Variants in RUSC2 observed in about 807,000 individuals in gnomAD.
The protein encoded by RUSC2 is AP-4 complex accessory subunit RUSC2.
In RUSC2, 34 loss-of-function variants were observed where a neutral mutation model predicts 122.2. That is an observed-to-expected ratio of 0.28 (90% CI 0.21 to 0.37). The LOEUF (loss-of-function observed/expected upper bound fraction) is 0.37. Ranked by LOEUF, RUSC2 falls within the 10% of genes least tolerant of loss-of-function variation. The probability of loss-of-function intolerance (pLI) is 1.00; values close to 1 mark genes in which losing one functional copy is unlikely to be tolerated. For missense variants in RUSC2, 1,747 were observed against 1,952.4 expected (o/e 0.89, Z 1.98); for synonymous variants, 784 against 790.0 (o/e 0.99, Z 0.13).
chr9:35,561,009 G>A lies in RUSC2; in HGVS notation c.4261G>A (p.Ala1421Thr), dbSNP rs1231438611. The A allele has an allele frequency of 6.2e-7, 1 of 1,614,106 alleles. No homozygotes were observed. The highest frequency in any genetic ancestry group is 1.3e-5 in the African/African-American group (1 of 74,948). ...SLDKSMFQLVAQTVGSRREPE... is the reference protein window; with the variant it reads ...SLDKSMFQLVTQTVGSRREPE... ...GGACAAGTCCATGTTCCAACTAGTG[G>A]CGCAGACAGTGGGTTCCCGCCGGGA... The change falls in exon 11 of 12, where the codon GCG becomes ACG. Residue 1421 changes from alanine to threonine, a missense_variant. Physicochemically the swap from Ala to Thr is moderately conservative, Grantham distance 58 (BLOSUM62 0). Transcript: ENST00000361226.
At chr9:35,526,746 C>T (rs1821331991) in intron 1 of RUSC2, among the ~76,000 whole-genome samples, 1 of 152,062 alleles carries the variant, frequency 6.6e-6, no homozygotes, top group Non-Finnish European at 1.5e-5. Context: ...GCCACTGCAG[C>T]CTGGGCAAAA....
intron 1 of RUSC2, among the ~76,000 whole-genome samples, chr9:35,524,842 G>A (rs1429126224): frequency 6.6e-6 from 1 of 152,010 alleles, no homozygotes; most frequent in Admixed American, 6.6e-5. Context: ...GTGGTGGCGG[G>A]CACCTGTAGT....
intron 1 of RUSC2, among the ~76,000 whole-genome samples, chr9:35,527,133 T>C (rs1821339319): frequency 9.6e-6 from 1 of 103,722 alleles, no homozygotes; most frequent in Non-Finnish European, 2.1e-5. Context: ...ATTTGTCCTT[T>C]CGTTGTTTTT....
At chr9:35,554,567 G>C (rs1360230612) in intron 2 of RUSC2, among the ~76,000 whole-genome samples, 1 of 152,182 alleles carries the variant, frequency 6.6e-6, no homozygotes. Context: ...TAGAAACAAA[G>C]AAAATGGTTC....
At chr9:35,553,533 T>C (rs185831340) in intron 2 of RUSC2, among the ~76,000 whole-genome samples, 1 of 152,288 alleles carries the variant, frequency 6.6e-6, no homozygotes, top group Non-Finnish European at 1.5e-5. Context: ...AACAGGGTAA[T>C]GGGATAGAGA....
In RUSC2 at chr9:35,547,452, T is replaced by A. The variant is rs1452510367; in HGVS notation, c.931T>A (p.Phe311Ile). ...CCCACAGTCCTGCAGCGACTCTTCC[T>A]TCTGCAGCCACTCAGACCCTGGCGC... ...SAPQSCSDSS[F>I]CSHSDPGAFY... Residue 311 changes from phenylalanine (F) to isoleucine (I), a missense_variant, in exon 2 of 12, where the codon TTC becomes ATC. Transcript: ENST00000361226. This position sits in a 1 kb window ranked among gnomAD's most constrained non-coding sequence, Gnocchi z 4.6. 2 of 1,614,216 alleles carry A rather than the reference T, an allele frequency of 1.2e-6. No homozygotes were observed. The highest frequency in any genetic ancestry group is 1.7e-6 in the Non-Finnish European group (2 of 1,180,040).
In RUSC2 at chr9:35,556,420, C is replaced by T; in HGVS notation, c.2955C>T (p.Ala985=). 6.2e-7 allele frequency: 1 copy of T among 1,614,166 alleles called. No homozygotes were observed. Among genetic ancestry groups the T allele is most frequent in the Non-Finnish European group, 8.5e-7 (1 of 1,180,022 alleles). Residue 985 remains alanine (A), a synonymous_variant, in exon 5 of 12, where the codon GCC becomes GCT. Transcript: ENST00000361226. ...FCLSPDGSSE[A]ISIDLLQKKG... is the part of the protein sequence containing the mutation. Reference sequence around the variant, plus strand: ...TGTCCCCAGATGGCAGCTCAGAGGCCATTTCCATTGACCTGCTTCAGAAAA... The same window carrying T: ...TGTCCCCAGATGGCAGCTCAGAGGCTATTTCCATTGACCTGCTTCAGAAAA...
chr9:35,523,874 T>C (rs953959988), intron 1 of RUSC2, among the ~76,000 whole-genome samples: 1 of 151,836 alleles, frequency 6.6e-6, no homozygotes, highest in Non-Finnish European at 1.5e-5. Flanking sequence ...TGGGGCAGTC[T>C]GAACATCAAA....
At chr9:35,499,044 TG>T (rs759724526) in intron 1 of RUSC2, among the ~76,000 whole-genome samples, 12 of 152,116 alleles carry the variant, frequency 7.9e-5, no homozygotes, top group Non-Finnish European at 1.6e-4. Flanking sequence ...CCCAGCACTT[TG>T]GGAGGCTGAG....
chr9:35,543,143 A>T (rs1821674390), intron 1 of RUSC2, among the ~76,000 whole-genome samples: 1 of 152,204 alleles, frequency 6.6e-6, no homozygotes, highest in South Asian at 2.1e-4. Context: ...AAAATTGTTT[A>T]GGCCCGGCAT....
intron 1 of RUSC2, among the ~76,000 whole-genome samples, chr9:35,506,936 T>G (rs1185586362): frequency 6.6e-6 from 1 of 152,052 alleles, no homozygotes; most frequent in African/African-American, 2.4e-5. Context: ...AGCAACATAG[T>G]GAAACCTCGT....
chr9:35,555,836 T>C lies in RUSC2; in HGVS notation c.2657-116T>C, dbSNP rs1016287398. On this transcript the variant is annotated intron_variant, in intron 3 of 11. Transcript: ENST00000361226. This position sits in a 1 kb window ranked among gnomAD's most constrained non-coding sequence, Gnocchi z 4.6. ...GTCTGCATCCCTCCCTCAGCATCTGTAGATAATATCCACAGATAATCTAGT... is the reference window on the plus strand; with the variant it reads ...GTCTGCATCCCTCCCTCAGCATCTGCAGATAATATCCACAGATAATCTAGT... 9 of 1,466,728 alleles carry C rather than the reference T, an allele frequency of 6.1e-6. No homozygotes were observed. Among genetic ancestry groups the C allele is most frequent in the Admixed American group, 2.1e-5 (1 of 48,564 alleles). The allele number at this position is 1,466,728 out of a possible 1,614,324, so 90.9% of individuals were successfully genotyped here. A position where few individuals can be genotyped will look rare whatever the true frequency, so the allele number is the denominator to read the frequency against.
intron 1 of RUSC2, among the ~76,000 whole-genome samples, chr9:35,490,554 C>G (rs1321441536): frequency 1.3e-5 from 2 of 152,198 alleles, no homozygotes; most frequent in African/African-American, 4.8e-5. Flanking sequence ...TACCCCAAGT[C>G]CCTGTGACGG....
Position 35,560,765 on chromosome 9 carries a change from G to A in RUSC2, c.4125G>A (p.Gly1375=). ...PAASPAENEE[G]ASEPSPGGIK... ...CCTCGCCAGCAGAAAATGAGGAAGG[G>A]GCCTCAGAGCCTTCACCTGGAGGCA... Residue 1375 remains glycine, a synonymous_variant, in exon 10 of 12, where the codon GGG becomes GGA. Coordinates refer to ENST00000361226, the MANE Select transcript of RUSC2 (RefSeq NM_014806.5). 6.5e-7 allele frequency: 1 copy of A among 1,538,940 alleles called. No individual in the cohort carries two copies. The highest frequency in any genetic ancestry group is 8.7e-7 in the Non-Finnish European group (1 of 1,145,632).
At chr9:35,521,044 C>G (rs1259667754) in intron 1 of RUSC2, among the ~76,000 whole-genome samples, 1 of 152,174 alleles carries the variant, frequency 6.6e-6, no homozygotes, top group Non-Finnish European at 1.5e-5. Flanking sequence ...TAGAGACTTA[C>G]AGCTAGCAGT....
chr9:35,543,103 G>A (rs1175863145), intron 1 of RUSC2, among the ~76,000 whole-genome samples: 2 of 152,096 alleles, frequency 1.3e-5, no homozygotes, highest in Non-Finnish European at 2.9e-5. Context: ...ACGTAGTTAT[G>A]TATGAAAGGA....
chr9:35,560,842 C>G lies in RUSC2; in HGVS notation c.4202C>G (p.Pro1401Arg). 6.5e-7 allele frequency: 1 copy of G among 1,534,858 alleles called. No homozygotes were observed. Among genetic ancestry groups the G allele is most frequent in the Non-Finnish European group, 8.7e-7 (1 of 1,143,270 alleles). ...GSRKAQREAR[P>R]TNRLPSDWLS... Reference sequence around the variant, plus strand: ...CGAAAAGCCCAGCGGGAGGCCCGGCCCACAAATAGGTGAGAGCCTGCCCAT... The same window carrying G: ...CGAAAAGCCCAGCGGGAGGCCCGGCGCACAAATAGGTGAGAGCCTGCCCAT... The change falls in exon 10 of 12, where the codon CCC becomes CGC. Residue 1401 changes from proline to arginine, a missense_variant. Transcript: ENST00000361226.
chr9:35,555,315 C>T lies in RUSC2; in HGVS notation c.2270C>T (p.Ala757Val). The T allele has an allele frequency of 6.2e-7, 1 of 1,614,174 alleles. No individual in the cohort carries two copies. Reference sequence around the variant, plus strand: ...GAACCGCAGGCATCCACTCCCCGAGCCACTGGCAGAGGTGCCAGGAAAGCT... The same window carrying T: ...GAACCGCAGGCATCCACTCCCCGAGTCACTGGCAGAGGTGCCAGGAAAGCT... Reference protein sequence around the residue: ...SGEPQASTPRATGRGARKAGS... With the variant: ...SGEPQASTPRVTGRGARKAGS... Residue 757 changes from alanine (A) to valine (V), a missense_variant, in exon 3 of 12, where the codon GCC (alanine) becomes GTC (valine). Ala to Val is a moderately conservative substitution (Grantham distance 64). Coordinates refer to ENST00000361226, the MANE Select transcript of RUSC2 (RefSeq NM_014806.5). The surrounding 1 kb of genome is among the most constrained non-coding windows in gnomAD (Gnocchi z 4.6).
chr9:35,512,715 T>C (rs1821031059), intron 1 of RUSC2, among the ~76,000 whole-genome samples: 1 of 152,172 alleles, frequency 6.6e-6, no homozygotes, highest in Non-Finnish European at 1.5e-5. Context: ...GTTTTCTGTT[T>C]TGTTTTGTTT....
Sources: gnomAD v4.1 joint callset for allele counts (sites outside exome capture counted in the v4.1 genomes callset) on GRCh38, gnomAD v4.1.1 for gene constraint, Gnocchi (gnomAD v3.1) non-coding constraint, MANE v1.5 for transcripts, NCBI Gene and HGNC (gene_info 2026-07-23, HGNC 2026-07-21) for gene names.